The following NPLOC4 variants were observed in gnomAD, a reference collection of about 807,000 sequenced individuals.
NPLOC4 encodes the protein nuclear protein localization protein 4 homolog.
Under a neutral mutation model 80.6 loss-of-function variants are expected in NPLOC4, and 18 were observed. That is an observed-to-expected ratio of 0.22 (90% confidence interval 0.15 to 0.33). NPLOC4 has a LOEUF of 0.33. Among genes scored for constraint, NPLOC4 ranks in the 10% least tolerant of loss-of-function variants. NPLOC4 has a pLI of 1.00. For synonymous variants in NPLOC4, 313 were observed against 301.5 expected, an observed-to-expected ratio of 1.04 and a Z score of -0.39; for missense variants, 540 against 786.1, an observed-to-expected ratio of 0.69 and a Z score of 3.74.
At chr17:81,626,326 A>AG (rs2035795648) in intron 2 of NPLOC4, among the ~76,000 whole-genome samples, 1 of 151,772 alleles carries the variant, frequency 6.6e-6, no homozygotes, top group Non-Finnish European at 1.5e-5. Context: ...AAGAAAAAAA[A>AG]AAAAGAAAAG....
chr17:81,622,079 G>T lies in NPLOC4; in HGVS notation c.209+87C>A, dbSNP rs914817386. ...AGACCATAATGAGTGGTGTGATGAG[G>T]AAAGAGGATAAAACTCGGCAACCTC... On this transcript the variant is annotated intron_variant, in intron 3 of 16. Coordinates refer to ENST00000331134, the MANE Select transcript of NPLOC4 (RefSeq NM_017921.4). 22 of 883,242 alleles carry T rather than the reference G, an allele frequency of 2.5e-5. No individual in the cohort carries two copies. The Admixed American group carries it at 3.8e-4, about 15-fold the overall frequency. 54.7% of individuals were successfully genotyped at this position (883,242 alleles called of 1,614,324 possible).
chr17:81,560,246 G>A (rs568379613), intron 16 of NPLOC4, among the ~76,000 whole-genome samples: 22 of 150,530 alleles, frequency 1.5e-4, no homozygotes, highest in Admixed American at 8.0e-4. Context: ...GGCGAAACCC[G>A]GTCTCTACTA....
chr17:81,628,003 G>C (rs1193663826), intron 2 of NPLOC4, among the ~76,000 whole-genome samples: 1 of 151,944 alleles, frequency 6.6e-6, no homozygotes, highest in Non-Finnish European at 1.5e-5. Flanking sequence ...ACGAGGTCAG[G>C]AGATGAAGAC....
chr17:81,561,561 T>C (rs866393168), intron 16 of NPLOC4, among the ~76,000 whole-genome samples: 1 of 152,220 alleles, frequency 6.6e-6, no homozygotes, highest in Non-Finnish European at 1.5e-5. Flanking sequence ...CCCAAGGCCC[T>C]GAAGAGATTC....
At chr17:81,628,173 T>C (rs575537804) in intron 2 of NPLOC4, among the ~76,000 whole-genome samples, 1 of 149,250 alleles carries the variant, frequency 6.7e-6, no homozygotes, top group South Asian at 2.1e-4. Flanking sequence ...ATCATGCCAC[T>C]GCATTCCAGC....
chr17:81,597,397 T>C, intron 9 of NPLOC4, 81 bp from the exon 10 acceptor site: 1 of 1,102,540 alleles, frequency 9.1e-7, no homozygotes. Context: ...ACGCCTATAA[T>C]CACAGCACTT....
intron 16 of NPLOC4, chr17:81,564,897 A>C: frequency 5.2e-6 from 1 of 191,064 alleles, no homozygotes; most frequent in Non-Finnish European, 1.1e-5. Flanking sequence ...GCTCCCGGGC[A>C]CTCTGGTGCT....
intron 6 of NPLOC4, 54 bp from the exon 7 acceptor site, chr17:81,606,868 G>C: frequency 6.5e-7 from 1 of 1,547,676 alleles, no homozygotes; most frequent in South Asian, 1.2e-5. Context: ...TTGAGCAAGA[G>C]GCTGGAAATG....
At chr17:81,560,256 A>G (rs2033808470) in intron 16 of NPLOC4, among the ~76,000 whole-genome samples, 1 of 151,738 alleles carries the variant, frequency 6.6e-6, no homozygotes, top group Non-Finnish European at 1.5e-5. Flanking sequence ...GGTCTCTACT[A>G]AAAATAATTA....
At chr17:81,582,945 G>A (rs2034483661) in intron 12 of NPLOC4, among the ~76,000 whole-genome samples, 1 of 152,254 alleles carries the variant, frequency 6.6e-6, no homozygotes, top group Admixed American at 6.5e-5. Flanking sequence ...AAAAACCCAA[G>A]GAGCCTCCCG....
At chr17:81,624,374 C>A (rs971654434) in intron 2 of NPLOC4, among the ~76,000 whole-genome samples, 1 of 152,060 alleles carries the variant, frequency 6.6e-6, no homozygotes, top group African/African-American at 2.4e-5. Flanking sequence ...GCCAAGATGG[C>A]GCCATTGCAC....
Position 81,557,941 on chromosome 17 carries a change from T to C in NPLOC4, c.*1318A>G, listed in dbSNP as rs960301541. ...CTGTTCATAGTGCCAAGAATGTGGG[T>C]CACGTGGGCTTACCCCCCAGGATGG... On this transcript the variant is annotated 3_prime_UTR_variant, in exon 17 of 17. Coordinates refer to ENST00000331134, the MANE Select transcript of NPLOC4 (RefSeq NM_017921.4). 2 of 152,694 alleles carry C rather than the reference T, an allele frequency of 1.3e-5. No individual in the cohort carries two copies. Among genetic ancestry groups the C allele is most frequent in the African/African-American group, 4.8e-5 (2 of 41,452 alleles). The allele number at this position is 152,694 out of a possible 1,614,324, so 9.5% of individuals were successfully genotyped here.
At chr17:81,588,409 G>C (rs1204563781) in intron 12 of NPLOC4, among the ~76,000 whole-genome samples, 2 of 152,206 alleles carry the variant, frequency 1.3e-5, no homozygotes, top group Non-Finnish European at 2.9e-5. Flanking sequence ...ACCCAGGCCT[G>C]TAGTGCAGTG....
intron 4 of NPLOC4, 38 bp downstream of exon 4, chr17:81,613,280 A>G: frequency 1.9e-6 from 3 of 1,558,528 alleles, no homozygotes; most frequent in Non-Finnish European, 2.6e-6. Context: ...CATTAAGATC[A>G]CCACAAGTAG....
chr17:81,597,232 G>A lies in NPLOC4; in HGVS notation c.993+13C>T. ...GCCATAGGGCCACACGCACAGTCCTGTCTCCACCTCACCTTATTTCGACTG... is the reference window on the plus strand; with the variant it reads ...GCCATAGGGCCACACGCACAGTCCTATCTCCACCTCACCTTATTTCGACTG... On this transcript the variant is annotated intron_variant, in intron 10 of 16. Transcript: ENST00000331134. The A allele has an allele frequency of 2.5e-6, 4 of 1,609,700 alleles. No individual in the cohort carries two copies. Among genetic ancestry groups the A allele is most frequent in the Non-Finnish European group, 3.4e-6 (4 of 1,176,022 alleles).
intron 8 of NPLOC4, among the ~76,000 whole-genome samples, chr17:81,602,039 G>A (rs1419530031): frequency 6.6e-6 from 1 of 152,222 alleles, no homozygotes; most frequent in Admixed American, 6.5e-5. Context: ...TACGTACAAA[G>A]AAACAAAGAA....
At chr17:81,619,621 G>C (rs1056614918) in intron 3 of NPLOC4, among the ~76,000 whole-genome samples, 2 of 151,622 alleles carry the variant, frequency 1.3e-5, no homozygotes, top group Non-Finnish European at 1.5e-5. Flanking sequence ...GCTTACATCT[G>C]TAATGCCAAC....
chr17:81,611,392 C>G (rs1350600112), intron 4 of NPLOC4, among the ~76,000 whole-genome samples: 2 of 151,720 alleles, frequency 1.3e-5, no homozygotes, highest in Non-Finnish European at 2.9e-5. Context: ...CTCTGTCACC[C>G]AGGCTGGAGT....
chr17:81,604,747 G>T lies in NPLOC4; in HGVS notation c.655-20C>A. ...GTACTTCTGTAGAGTTAACAAGAGTGGGCTGATGAAAACATGCCATCAAAA... is the reference window on the plus strand; with the variant it reads ...GTACTTCTGTAGAGTTAACAAGAGTTGGCTGATGAAAACATGCCATCAAAA... On this transcript the variant is annotated intron_variant, in intron 7 of 16. Transcript: ENST00000331134. 1 of 1,593,020 alleles carries T rather than the reference G, an allele frequency of 6.3e-7. No individual in the cohort carries two copies. Among genetic ancestry groups the T allele is most frequent in the Non-Finnish European group, 8.6e-7 (1 of 1,169,146 alleles).
Sources: gnomAD v4.1 joint callset for allele counts (sites outside exome capture counted in the v4.1 genomes callset) on GRCh38, gnomAD v4.1.1 for gene constraint, MANE v1.5 for transcripts, NCBI Gene and HGNC (gene_info 2026-07-23, HGNC 2026-07-21) for gene names.